Variants in SHROOM4 observed in about 807,000 individuals in gnomAD.
The protein encoded by SHROOM4 is protein Shroom4.
A neutral mutation model predicts 80.3 loss-of-function variants in SHROOM4; 17 were observed. That is an observed-to-expected ratio of 0.21 (90% CI 0.14 to 0.32). The LOEUF is 0.32. Ranked by LOEUF, SHROOM4 falls within the 10% of genes least tolerant of loss-of-function variation. SHROOM4 has a pLI of 1.00. For missense variants in SHROOM4, 993 were observed against 1,140.3 expected, an observed-to-expected ratio of 0.87 and a Z score of 1.86; for synonymous variants, 400 against 437.5, an observed-to-expected ratio of 0.91 and a Z score of 1.07.
In SHROOM4 at chrX:50,596,456, G is replaced by C; in HGVS notation, c.*239C>G. ...TTGCCCTTGGCAACTGTGGGAAGGA[G>C]AGTGTGGTTCTAAGATCACACCTTG... On this transcript the variant is annotated 3_prime_UTR_variant, in exon 9 of 9. Coordinates refer to ENST00000376020, the MANE Select transcript of SHROOM4 (RefSeq NM_020717.5). 1 of 509,491 alleles carries C rather than the reference G, an allele frequency of 2.0e-6. No homozygotes were observed. Among genetic ancestry groups the C allele is most frequent in the Non-Finnish European group, 3.5e-6 (1 of 285,884 alleles). The allele number at this position is 509,491 out of a possible 1,213,427, so 42.0% of individuals were successfully genotyped here.
intron 1 of SHROOM4, among the ~76,000 whole-genome samples, chrX:50,728,871 A>C (rs1934299306): frequency 8.9e-6 from 1 of 112,013 alleles, no homozygotes; most frequent in African/African-American, 3.2e-5. Context: ...GTGACCCCTA[A>C]GAAGACAGGA....
intron 5 of SHROOM4, among the ~76,000 whole-genome samples, chrX:50,625,517 T>C (rs140866807): frequency 1.4e-3 from 155 of 111,831 alleles, no homozygotes; most frequent in African/African-American, 4.7e-3. Context: ...ACAACCAAGG[T>C]GTTAAGGTGG....
chrX:50,672,967 T>G (rs1273824422), intron 2 of SHROOM4, among the ~76,000 whole-genome samples: 1 of 111,468 alleles, frequency 9.0e-6, no homozygotes, highest in Non-Finnish European at 1.9e-5. Context: ...GAAGGAGTCA[T>G]CAGGACATTC....
intron 5 of SHROOM4, among the ~76,000 whole-genome samples, chrX:50,609,159 G>A (rs1158611914): frequency 9.1e-6 from 1 of 109,862 alleles, no homozygotes; most frequent in Non-Finnish European, 1.9e-5. Flanking sequence ...CTACATGGGA[G>A]GCTGAGATGG....
intron 2 of SHROOM4, among the ~76,000 whole-genome samples, chrX:50,658,071 A>G (rs1201302451): frequency 1.8e-5 from 2 of 111,810 alleles, no homozygotes; most frequent in Non-Finnish European, 3.8e-5. Context: ...CTTTCCTTCT[A>G]TGTGAGGACA....
At chrX:50,638,047 G>C (rs1248133472) in intron 3 of SHROOM4, 127 bp downstream of exon 3, 10 of 856,268 alleles carry the variant, frequency 1.2e-5, no homozygotes, top group Non-Finnish European at 1.5e-5. Flanking sequence ...AGGTACTCTG[G>C]ACTCCCACTT....
chrX:50,628,390 G>A (rs113160836), intron 4 of SHROOM4, among the ~76,000 whole-genome samples: 1,780 of 111,001 alleles, frequency 0.016, 29 homozygotes, highest in African/African-American at 0.056. Flanking sequence ...CATATGTGCC[G>A]TTTGTAAAAC....
intron 1 of SHROOM4, among the ~76,000 whole-genome samples, chrX:50,719,680 C>T (rs1328860195): frequency 8.9e-6 from 1 of 112,363 alleles, no homozygotes; most frequent in Non-Finnish European, 1.9e-5. Flanking sequence ...TAATGTATGG[C>T]TTGATCCATT....
Position 50,736,470 on chromosome X carries a change from C to T in SHROOM4, c.118-40533G>A, listed in dbSNP as rs140257430. Among the ~76,000 whole-genome samples, 567 of 111,323 alleles carry T rather than the reference C, an allele frequency of 5.1e-3. 4 individuals carry two copies. Among genetic ancestry groups the T allele is most frequent in the African/African-American group, 0.018 (539 of 30,603 alleles). ...TCTCCTCCCTGTGTCCATGTGTTCT[C>T]ATTGTTCAGCTCCCACTTATAAGTG... On this transcript the variant is annotated intron_variant, in intron 1 of 8. Coordinates refer to ENST00000376020, the MANE Select transcript of SHROOM4 (RefSeq NM_020717.5).
At chrX:50,686,339 G>T (rs1361851898) in intron 2 of SHROOM4, among the ~76,000 whole-genome samples, 1 of 111,074 alleles carries the variant, frequency 9.0e-6, no homozygotes, top group Non-Finnish European at 1.9e-5. Flanking sequence ...CTGGCCGGAT[G>T]AAGTTTTAAC....
chrX:50,600,722 C>T (rs1929357686), intron 7 of SHROOM4, among the ~76,000 whole-genome samples: 2 of 111,788 alleles, frequency 1.8e-5, no homozygotes. Context: ...GACCTGTTGT[C>T]ATATTTTAGA....
At chrX:50,766,877 T>A (rs1159625803) in intron 1 of SHROOM4, among the ~76,000 whole-genome samples, 5 of 111,812 alleles carry the variant, frequency 4.5e-5, no homozygotes, top group African/African-American at 1.6e-4. Context: ...ATAAGGTCAT[T>A]ACCCAGATTT....
chrX:50,694,264 T>G (rs1435819808), intron 2 of SHROOM4, among the ~76,000 whole-genome samples: 1 of 110,803 alleles, frequency 9.0e-6, no homozygotes, highest in Non-Finnish European at 1.9e-5. Flanking sequence ...CTATTTTCAG[T>G]TTTTTGCTAA....
At chrX:50,624,763 C>T (rs1365346802) in intron 5 of SHROOM4, among the ~76,000 whole-genome samples, 5 of 110,139 alleles carry the variant, frequency 4.5e-5, no homozygotes, top group African/African-American at 1.7e-4. Context: ...CAGGTGTGTA[C>T]TATCTCATGC....
At chrX:50,638,378 G>T in intron 2 of SHROOM4, 70 bp from the exon 3 acceptor site, 1 of 1,159,613 alleles carries the variant, frequency 8.6e-7, no homozygotes. Flanking sequence ...GGCAGCTTCC[G>T]CCCCACCCCC....
In SHROOM4 at chrX:50,707,532, T is replaced by C. The variant is rs182083160; in HGVS notation, c.118-11595A>G. On this transcript the variant is annotated intron_variant, in intron 1 of 8. Coordinates refer to ENST00000376020, the MANE Select transcript of SHROOM4 (RefSeq NM_020717.5). ...GATTACCTGTGGCTGCTGTGAGTTATATGGAATTACACAGAGTTTAATGGT... is the reference window on the plus strand; with the variant it reads ...GATTACCTGTGGCTGCTGTGAGTTACATGGAATTACACAGAGTTTAATGGT... Among the ~76,000 whole-genome samples, 435 of 111,577 alleles carry C rather than the reference T, an allele frequency of 3.9e-3. 2 individuals carry two copies. The highest frequency in any genetic ancestry group is 0.013 in the African/African-American group (412 of 30,700).
chrX:50,797,192 T>G (rs1557272194), intron 1 of SHROOM4, among the ~76,000 whole-genome samples: 2 of 110,474 alleles, frequency 1.8e-5, no homozygotes, highest in Non-Finnish European at 3.8e-5. Context: ...CAAGAGAAGA[T>G]GCAGAAACAG....
At chrX:50,700,017 C>T (rs919163812) in intron 1 of SHROOM4, among the ~76,000 whole-genome samples, 1 of 111,822 alleles carries the variant, frequency 8.9e-6, no homozygotes, top group African/African-American at 3.3e-5. Context: ...CATTAAAAAT[C>T]AGTGACATGA....
intron 2 of SHROOM4, among the ~76,000 whole-genome samples, chrX:50,677,706 G>A (rs782127005): frequency 1.2e-4 from 13 of 111,488 alleles, no homozygotes; most frequent in Non-Finnish European, 1.9e-4. Context: ...TGACATTCAT[G>A]CATTCATTCA....
Sources: allele counts gnomAD v4.1 joint callset (sites outside exome capture counted in the v4.1 genomes callset), GRCh38; gene constraint gnomAD v4.1.1; transcripts MANE v1.5; gene names NCBI Gene and HGNC (gene_info 2026-07-23, HGNC 2026-07-21).